SLC22A16: variants seen among roughly 807,000 people sequenced by gnomAD.
SLC22A16 encodes WUGSC:RG331P03.1.
SLC22A16 carries 53 observed loss-of-function variants against 52.9 expected under a neutral mutation model. The observed-to-expected ratio is 1.00, with a 90% CI of 0.80 to 1.26. The LOEUF is 1.26. Ranked by LOEUF, SLC22A16 falls within the 50% of genes most tolerant of loss-of-function variation. The pLI is 0.00. For synonymous variants in SLC22A16, 291 were observed against 268.8 expected (o/e 1.08, Z -0.81); for missense variants, 726 against 704.0 (o/e 1.03, Z -0.35).
At chr6:110,451,058 A>G (rs1329358431) in intron 2 of SLC22A16, among the ~76,000 whole-genome samples, 2 of 152,364 alleles carry the variant, frequency 1.3e-5, no homozygotes, top group Middle Eastern at 3.4e-3. Context: ...TAACAGGACA[A>G]TACCACATGT....
rs140411373 is a variant in SLC22A16, at chr6:110,446,979, C to A, written c.545G>T (p.Arg182Leu). The A allele has an allele frequency of 3.7e-6, 6 of 1,613,204 alleles. No individual in the cohort carries two copies. In the South Asian group the frequency reaches 5.5e-5, roughly 15 times the overall value. The change falls in exon 3 of 8, where the codon CGG (arginine) becomes CTG (leucine). Residue 182 changes from arginine to leucine, a missense_variant. Physicochemically the swap from Arg to Leu is moderately radical, Grantham distance 102. Coordinates refer to ENST00000368919, the MANE Select transcript of SLC22A16 (RefSeq NM_033125.4). ...FGYFSDRLGR[R>L]VVLWATSSSM... is the part of the protein sequence containing the mutation. The stretch of plus-strand genomic sequence containing the variant: ...ACTGCTTGTGGCCCACAAGACCACC[C>A]GGCGTCCTAGCCTGAAAAATAAGAG...
intron 3 of SLC22A16, among the ~76,000 whole-genome samples, chr6:110,445,208 A>G (rs1158432205): frequency 6.6e-6 from 1 of 152,066 alleles, no homozygotes; most frequent in Non-Finnish European, 1.5e-5. Context: ...AGCCTCATCA[A>G]TGCGTCTCTC....
At position 110,456,592 on chromosome 6, in the gene SLC22A16, A is replaced by T. The variant is rs1255305649; in HGVS notation, c.479T>A (p.Leu160Gln). 6.2e-7 allele frequency: 1 copy of T among 1,614,090 alleles called. No homozygotes were observed. Among genetic ancestry groups the T allele is most frequent in the African/African-American group, 1.3e-5 (1 of 74,936 alleles). ...RKWLAMLIQPLFMFGVLLGSV... is the reference protein window; with the variant it reads ...RKWLAMLIQPQFMFGVLLGSV... ...TCCCAGTAGGACTCCAAACATAAAT[A>T]GGGGCTGGATCAGCATTGCAAGCCA... is the stretch of plus-strand genomic sequence containing the variant. The change falls in exon 2 of 8, where the codon CTA (leucine) becomes CAA (glutamine). Residue 160 changes from leucine to glutamine, a missense_variant. Leu to Gln is a moderately radical substitution (Grantham distance 113). Coordinates refer to ENST00000368919, the MANE Select transcript of SLC22A16 (RefSeq NM_033125.4).
chr6:110,464,089 T>C (rs1048783704), intron 1 of SLC22A16, among the ~76,000 whole-genome samples: 1 of 151,988 alleles, frequency 6.6e-6, no homozygotes. Flanking sequence ...AAAAAATGTT[T>C]TGAAATGAAT....
intron 7 of SLC22A16, among the ~76,000 whole-genome samples, chr6:110,430,314 G>T (rs923359170): frequency 7.9e-5 from 12 of 152,102 alleles, no homozygotes; most frequent in Non-Finnish European, 1.5e-5. Flanking sequence ...CTACTTGGGA[G>T]ACATTGAGTT....
chr6:110,474,180 C>T (rs769403986), intron 1 of SLC22A16, among the ~76,000 whole-genome samples: 7 of 152,114 alleles, frequency 4.6e-5, no homozygotes, highest in South Asian at 2.1e-4. Flanking sequence ...ACCATCCTCC[C>T]GACCCCACCA....
chr6:110,447,878 A>G (rs1562288189), intron 2 of SLC22A16, among the ~76,000 whole-genome samples: 1 of 152,230 alleles, frequency 6.6e-6, no homozygotes, highest in Non-Finnish European at 1.5e-5. Context: ...CATTATACGG[A>G]TAAACCACAT....
intron 3 of SLC22A16, among the ~76,000 whole-genome samples, chr6:110,445,882 T>G (rs1259722527): frequency 6.6e-6 from 1 of 152,106 alleles, no homozygotes; most frequent in African/African-American, 2.4e-5. Context: ...TAAAACTCTT[T>G]ACATTCCTAA....
At chr6:110,467,119 C>T (rs1776096848) in intron 1 of SLC22A16, among the ~76,000 whole-genome samples, 1 of 152,124 alleles carries the variant, frequency 6.6e-6, no homozygotes, top group Admixed American at 6.5e-5. Context: ...ACTTCAAAGA[C>T]CTACAAGAAT....
At chr6:110,468,420 G>A (rs1776145085) in intron 1 of SLC22A16, among the ~76,000 whole-genome samples, 1 of 152,090 alleles carries the variant, frequency 6.6e-6, no homozygotes, top group African/African-American at 2.4e-5. Context: ...CAAGGCAGGT[G>A]GATTACCTGA....
intron 1 of SLC22A16, among the ~76,000 whole-genome samples, chr6:110,462,758 C>T (rs911746444): frequency 1.3e-5 from 2 of 151,910 alleles, no homozygotes; most frequent in Admixed American, 6.6e-5. Flanking sequence ...CATTCAGATG[C>T]AAGAAATTCA....
At chr6:110,460,870 G>T (rs62421693) in intron 1 of SLC22A16, among the ~76,000 whole-genome samples, 7,132 of 152,270 alleles carry the variant, frequency 0.047, 219 homozygotes, top group South Asian at 0.085. Flanking sequence ...TTCTTCTAGG[G>T]GGAGCACAGC....
intron 6 of SLC22A16, 54 bp from the exon 7 acceptor site, chr6:110,431,324 T>A (rs1774495230): frequency 6.8e-7 from 1 of 1,465,108 alleles, no homozygotes; most frequent in Non-Finnish European, 9.5e-7. Flanking sequence ...ACCCAGGGAT[T>A]GAGGGACCTG....
Position 110,438,806 on chromosome 6 carries a change from T to TGG in SLC22A16, c.1223_1224dup (p.Met409ProfsTer27). On this transcript the variant is annotated frameshift_variant, in exon 5 of 8. Coordinates refer to ENST00000368919, the MANE Select transcript of SLC22A16 (RefSeq NM_033125.4). LOFTEE classifies it high-confidence loss of function. ...ACTGTTCTCCTCCCGACCTTGTCCATGGCGATGCACACGAAGGTGTAGGCG... is the reference window on the plus strand; with the variant it reads ...ACTGTTCTCCTCCCGACCTTGTCCATGGGGCGATGCACACGAAGGTGTAGGCG... 1 of 1,614,166 alleles carries TGG rather than the reference T, an allele frequency of 6.2e-7. No individual in the cohort carries two copies. Among genetic ancestry groups the TGG allele is most frequent in the Admixed American group, 1.7e-5 (1 of 60,024 alleles).
chr6:110,427,799 A>G (rs1342270973), intron 7 of SLC22A16, among the ~76,000 whole-genome samples: 1 of 152,232 alleles, frequency 6.6e-6, no homozygotes, highest in African/African-American at 2.4e-5. Flanking sequence ...ATTGAAAAAC[A>G]AGATGTTTCT....
chr6:110,467,649 A>G (rs767703719), intron 1 of SLC22A16, among the ~76,000 whole-genome samples: 16 of 152,242 alleles, frequency 1.1e-4, no homozygotes, highest in Non-Finnish European at 2.2e-4. Flanking sequence ...AGGCCAGTGT[A>G]TCCAAAAATT....
chr6:110,437,329 TG>T lies in SLC22A16; in HGVS notation c.1312-1369del, dbSNP rs144663624. Among the ~76,000 whole-genome samples the T allele has an allele frequency of 5.3e-3, 807 of 151,096 alleles. 2 individuals carry two copies. The highest frequency in any genetic ancestry group is 0.021 in the Middle Eastern group (6 of 290). ...CTATTAGTGTAGAACTCAAAGGTTC[TG>T]GTGTTCCCCAACTCTTCACCAACTT... On this transcript the variant is annotated intron_variant, in intron 5 of 7. Coordinates refer to ENST00000368919, the MANE Select transcript of SLC22A16 (RefSeq NM_033125.4).
At chr6:110,434,268 A>C (rs1482236772) in intron 6 of SLC22A16, among the ~76,000 whole-genome samples, 2 of 152,140 alleles carry the variant, frequency 1.3e-5, no homozygotes, top group African/African-American at 4.8e-5. Context: ...CCAATGGAGA[A>C]TCAGAGAAAA....
intron 1 of SLC22A16, among the ~76,000 whole-genome samples, chr6:110,473,835 T>G (rs1344345672): frequency 1.3e-5 from 2 of 151,884 alleles, no homozygotes; most frequent in African/African-American, 4.8e-5. Flanking sequence ...TGTTTTCCCC[T>G]TTTAAAGGTG....
Sources: allele counts gnomAD v4.1 joint callset (sites outside exome capture counted in the v4.1 genomes callset), GRCh38; gene constraint gnomAD v4.1.1; transcripts MANE v1.5; gene names NCBI Gene and HGNC (gene_info 2026-07-23, HGNC 2026-07-21).